MYO10: variants seen among roughly 807,000 people sequenced by gnomAD.
MYO10 encodes unconventional myosin-X.
A neutral mutation model predicts 257.3 loss-of-function variants in MYO10; 133 were observed. The ratio of observed to expected loss-of-function variants is 0.52; its 90% CI spans 0.45 to 0.60. The LOEUF (loss-of-function observed/expected upper bound fraction) is 0.60. MYO10 is among the 20% of genes least tolerant of loss of function. The pLI is 0.00. For missense variants in MYO10, 2,399 were observed against 2,635.7 expected (o/e 0.91, Z 1.97); for synonymous variants, 1,104 against 1,028.6 (o/e 1.07, Z -1.40).
chr5:16,704,910 G>A (rs1304720417), intron 21 of MYO10, among the ~76,000 whole-genome samples: 1 of 152,142 alleles, frequency 6.6e-6, no homozygotes, highest in African/African-American at 2.4e-5. Flanking sequence ...CAAAAATGCT[G>A]CATACAAATA....
chr5:16,816,571 G>T (rs577225783), intron 3 of MYO10, among the ~76,000 whole-genome samples: 1 of 148,784 alleles, frequency 6.7e-6, no homozygotes, highest in Admixed American at 6.7e-5. Flanking sequence ...TCTTGCTGTC[G>T]CCTGGTTGGA....
Position 16,904,655 on chromosome 5 carries a change from C to T in MYO10, c.22-26948G>A, listed in dbSNP as rs140650164. Among the ~76,000 whole-genome samples the T allele has an allele frequency of 9.4e-4, 143 of 152,270 alleles. 1 individual carries two copies. In the East Asian group the frequency reaches 0.027, roughly 29 times the overall value. ...GTCAGCAGTGTGTTGTGAGGCTGGG[C>T]GCGGTGGCTCACGCCTGTAATCCCA... On this transcript the variant is annotated intron_variant, in intron 1 of 40. Transcript: ENST00000513610.
intron 1 of MYO10, among the ~76,000 whole-genome samples, chr5:16,888,346 T>C (rs1010279210): frequency 2.7e-5 from 4 of 150,152 alleles, no homozygotes; most frequent in African/African-American, 1.0e-4. Flanking sequence ...CTAGGCAAGA[T>C]GGTGAGACTT....
At position 16,701,056 on chromosome 5, in the gene MYO10, G is replaced by A. The variant is rs781468450; in HGVS notation, c.3339C>T (p.Tyr1113=). 24 of 1,568,460 alleles carry A rather than the reference G, an allele frequency of 1.5e-5. No homozygotes were observed. The highest frequency in any genetic ancestry group is 1.7e-4 in the Middle Eastern group (1 of 6,032). Residue 1113 remains tyrosine (Y), a synonymous_variant, in exon 25 of 41, where the codon TAC becomes TAT. Coordinates refer to ENST00000513610, the MANE Select transcript of MYO10 (RefSeq NM_012334.3). This position sits in a 1 kb window ranked among gnomAD's most constrained non-coding sequence, Gnocchi z 8.1. Reference sequence around the variant, plus strand: ...GGTAGTCGGGGGACCACTGGCTGCCGTAGGAGTTGGAGAAGGTCACGCTGC... The same window carrying A: ...GGTAGTCGGGGGACCACTGGCTGCCATAGGAGTTGGAGAAGGTCACGCTGC... ...SGSSVTFSNS[Y]GSQWSPDYRC... is the part of the protein sequence containing the mutation.
At chr5:16,788,091 A>G (rs1741643713) in intron 4 of MYO10, among the ~76,000 whole-genome samples, 1 of 152,174 alleles carries the variant, frequency 6.6e-6, no homozygotes, top group South Asian at 2.1e-4. Flanking sequence ...ACCAGGCCCC[A>G]AAGAATCATT....
chr5:16,923,921 C>T (rs972220071), intron 1 of MYO10, among the ~76,000 whole-genome samples: 1 of 152,124 alleles, frequency 6.6e-6, no homozygotes, highest in Admixed American at 6.5e-5. Context: ...GAGACCTCAT[C>T]TCTACAAAAA....
rs753505470 is a variant in MYO10, at chr5:16,681,387, C to T, written c.4306G>A (p.Ala1436Thr). 9 of 1,613,856 alleles carry T rather than the reference C, an allele frequency of 5.6e-6. No individual in the cohort carries two copies. In the African/African-American group the frequency reaches 6.7e-5, roughly 12 times the overall value. ...LDYYKSSEKN[A>T]LKLGTLVLNS... is the part of the protein sequence containing the mutation. ...AGGACCAGGGTCCCCAGTTTGAGCG[C>T]GTTCTTCTCTGAACTCTTGTAGTAA... The change falls in exon 32 of 41, where the codon GCG becomes ACG. Residue 1436 changes from alanine to threonine, a missense_variant. This residue lies in a region of MYO10 where 1,820 missense variants were observed against 1,939.4 expected (regional missense o/e 0.94). Transcript: ENST00000513610.
At chr5:16,847,325 G>A (rs1743665044) in intron 2 of MYO10, among the ~76,000 whole-genome samples, 1 of 151,412 alleles carries the variant, frequency 6.6e-6, no homozygotes, top group African/African-American at 2.4e-5. Context: ...TCAGGAGGCT[G>A]AGGCAGGAGA....
At chr5:16,685,608 TTATTC>T in intron 29 of MYO10, 125 bp downstream of exon 29, 1 of 667,270 alleles carries the variant, frequency 1.5e-6, no homozygotes, top group Non-Finnish European at 2.6e-6. Flanking sequence ...TTCTCCTTAA[TTATTC>T]TATATTTACC....
Position 16,664,580 on chromosome 5 carries a change from G to A in MYO10, c.*2112C>T, listed in dbSNP as rs1173496813. The A allele has an allele frequency of 1.1e-4, 16 of 152,234 alleles. No homozygotes were observed. The allele number at this position is 152,234 out of a possible 1,614,324, so 9.4% of individuals were successfully genotyped here. A position where few individuals can be genotyped will look rare whatever the true frequency, so the allele number is the denominator to read the frequency against. ...GGGTGGGAGTCAGTGGTCTGCAAGA[G>A]AAGTGGCGCTTGCTCATGCTAGACG... On this transcript the variant is annotated 3_prime_UTR_variant, in exon 41 of 41. Transcript: ENST00000513610.
chr5:16,830,696 C>G (rs1231206537), intron 2 of MYO10, among the ~76,000 whole-genome samples: 2 of 151,686 alleles, frequency 1.3e-5, no homozygotes, highest in Non-Finnish European at 2.9e-5. Context: ...CACACACACA[C>G]ACACAGGGCG....
chr5:16,853,926 G>A (rs949005273), intron 2 of MYO10: 2 of 151,386 alleles, frequency 1.3e-5, no homozygotes, highest in Non-Finnish European at 2.9e-5. Flanking sequence ...ATCTTCTCAG[G>A]ACTATTAAAA....
intron 6 of MYO10, 23 bp downstream of exon 6, chr5:16,781,681 AT>A (rs1335233652): frequency 6.2e-7 from 1 of 1,604,454 alleles, no homozygotes. Context: ...ATTACTATAG[AT>A]AAAAATAAAT....
At chr5:16,790,034 C>T (rs574929732) in intron 4 of MYO10, among the ~76,000 whole-genome samples, 8 of 151,948 alleles carry the variant, frequency 5.3e-5, no homozygotes, top group Admixed American at 2.0e-4. Context: ...TACAAGAGCA[C>T]GCCCCCATGC....
At chr5:16,759,995 T>G (rs1273203020) in intron 17 of MYO10, among the ~76,000 whole-genome samples, 1 of 152,052 alleles carries the variant, frequency 6.6e-6, no homozygotes, top group Non-Finnish European at 1.5e-5. Context: ...GTATTTACAT[T>G]TCTAAAAGTA....
At chr5:16,829,897 ACACACGCACACG>A (rs567175395) in intron 2 of MYO10, among the ~76,000 whole-genome samples, 1 of 148,766 alleles carries the variant, frequency 6.7e-6, no homozygotes, top group Non-Finnish European at 1.5e-5. Flanking sequence ...ACACACACAC[ACACACGCACACG>A]CACACGCACA....
intron 26 of MYO10, among the ~76,000 whole-genome samples, chr5:16,696,159 GATTA>G (rs910873626): frequency 3.2e-4 from 49 of 152,284 alleles, no homozygotes; most frequent in African/African-American, 1.2e-3. Flanking sequence ...TAATCTAATT[GATTA>G]ATTAGATTTA....
intron 2 of MYO10, among the ~76,000 whole-genome samples, chr5:16,825,919 C>T (rs1409004385): frequency 6.6e-6 from 1 of 152,150 alleles, no homozygotes; most frequent in South Asian, 2.1e-4. Context: ...CCAAGGTGGG[C>T]AGATCAAGGT....
intron 19 of MYO10, chr5:16,713,300 TC>T (rs897427826): frequency 1.0e-6 from 1 of 985,126 alleles, no homozygotes; most frequent in African/African-American, 1.7e-5. Context: ...CAAAAGGGCC[TC>T]CCCATCCAAA....
Sources: gnomAD v4.1 joint callset for allele counts (sites outside exome capture counted in the v4.1 genomes callset) on GRCh38, gnomAD v4.1.1 for gene constraint, gnomAD v4.1.1 regional missense constraint, Gnocchi (gnomAD v3.1) non-coding constraint, MANE v1.5 for transcripts, NCBI Gene and HGNC (gene_info 2026-07-23, HGNC 2026-07-21) for gene names.